The following NELL1 variants were observed in gnomAD, a reference collection of about 807,000 sequenced individuals.
NELL1 encodes neural EGFL like 1.
Under a neutral mutation model 107.4 loss-of-function variants are expected in NELL1, and 76 were observed. That is an observed-to-expected ratio of 0.71 (90% CI 0.59 to 0.86). NELL1 has a LOEUF of 0.86. Among genes scored for constraint, NELL1 ranks in the 40% least tolerant of loss-of-function variants. The pLI is 0.00. For missense variants in NELL1, 1,024 were observed against 1,005.5 expected (o/e 1.02, Z -0.25); for synonymous variants, 353 against 341.2 (o/e 1.03, Z -0.38).
intron 15 of NELL1, among the ~76,000 whole-genome samples, chr11:21,471,237 T>C (rs201259495): frequency 1.3e-5 from 2 of 151,834 alleles, no homozygotes; most frequent in South Asian, 2.1e-4. Flanking sequence ...TCTTTCTCTA[T>C]TTGGAAAAAA....
intron 2 of NELL1, among the ~76,000 whole-genome samples, chr11:20,755,466 T>G (rs1856238763): frequency 6.6e-6 from 1 of 151,556 alleles, no homozygotes; most frequent in South Asian, 2.1e-4. Context: ...TTCCAAGGGG[T>G]CTAACACCTC....
chr11:21,105,568 T>G (rs151207436), intron 12 of NELL1, among the ~76,000 whole-genome samples: 1,843 of 152,240 alleles, frequency 0.012, 42 homozygotes, highest in African/African-American at 0.041. Context: ...GATAGCCTTT[T>G]CCTATTGGCA....
intron 12 of NELL1, among the ~76,000 whole-genome samples, chr11:21,052,598 A>G (rs889537633): frequency 3.3e-5 from 5 of 152,276 alleles, no homozygotes; most frequent in Middle Eastern, 3.4e-3. Flanking sequence ...GTGAGGAAGG[A>G]AATCTCCAGC....
intron 15 of NELL1, among the ~76,000 whole-genome samples, chr11:21,525,842 A>G (rs1051764601): frequency 6.6e-6 from 1 of 152,178 alleles, no homozygotes; most frequent in Non-Finnish European, 1.5e-5. Context: ...AACTGACTCC[A>G]TGATTATTTT....
chr11:21,116,354 C>A (rs957008892), intron 13 of NELL1, among the ~76,000 whole-genome samples: 1 of 151,950 alleles, frequency 6.6e-6, no homozygotes, highest in African/African-American at 2.4e-5. Flanking sequence ...TCCCCTTCCC[C>A]TGTTTACCTA....
intron 14 of NELL1, among the ~76,000 whole-genome samples, chr11:21,262,851 C>T (rs1353108320): frequency 6.6e-6 from 1 of 151,828 alleles, no homozygotes; most frequent in Non-Finnish European, 1.5e-5. Flanking sequence ...ACTCTTACTC[C>T]TTTTTCCTTG....
At chr11:21,317,196 G>A (rs185729617) in intron 14 of NELL1, among the ~76,000 whole-genome samples, 10 of 151,930 alleles carry the variant, frequency 6.6e-5, no homozygotes, top group Non-Finnish European at 1.3e-4. Context: ...AAAACTCTTC[G>A]TAAACATAAT....
chr11:21,348,330 C>A (rs1044615910), intron 14 of NELL1, among the ~76,000 whole-genome samples: 8 of 152,086 alleles, frequency 5.3e-5, no homozygotes, highest in African/African-American at 1.9e-4. Context: ...AGTCACTGAA[C>A]ATGTGGTATT....
intron 15 of NELL1, among the ~76,000 whole-genome samples, chr11:21,404,965 T>C (rs1590905625): frequency 1.3e-5 from 2 of 152,060 alleles, no homozygotes; most frequent in Admixed American, 6.6e-5. Context: ...TTCTAGGTCC[T>C]CCACTCCCAC....
intron 12 of NELL1, among the ~76,000 whole-genome samples, chr11:21,074,237 G>T (rs1353831063): frequency 6.6e-6 from 1 of 152,132 alleles, no homozygotes; most frequent in African/African-American, 2.4e-5. Context: ...ATCAGATTCT[G>T]CATATTAACG....
chr11:20,901,294 C>T (rs4255533), intron 5 of NELL1, among the ~76,000 whole-genome samples: 94,182 of 151,946 alleles, frequency 0.62, 31,660 homozygotes, highest in Non-Finnish European at 0.77. Context: ...AAAAGCAGCA[C>T]AGTGGCAGCT....
chr11:21,217,477 A>T (rs1024512481), intron 13 of NELL1, among the ~76,000 whole-genome samples: 22 of 152,128 alleles, frequency 1.4e-4, no homozygotes, highest in African/African-American at 5.1e-4. Context: ...TAAGTAAAAA[A>T]TTACCTACAC....
intron 2 of NELL1, among the ~76,000 whole-genome samples, chr11:20,768,064 C>G (rs951581100): frequency 2.6e-5 from 4 of 152,120 alleles, no homozygotes; most frequent in African/African-American, 9.7e-5. Context: ...AGGAGCCAGC[C>G]ATGCAAAGAT....
At chr11:21,168,218 G>A (rs570858910) in intron 13 of NELL1, among the ~76,000 whole-genome samples, 1 of 151,824 alleles carries the variant, frequency 6.6e-6, no homozygotes, top group Non-Finnish European at 1.5e-5. Flanking sequence ...TGATAAATGG[G>A]CATCCAATTT....
chr11:20,990,510 T>G (rs1463040121), intron 12 of NELL1, among the ~76,000 whole-genome samples: 1 of 152,232 alleles, frequency 6.6e-6, no homozygotes, highest in Non-Finnish European at 1.5e-5. Flanking sequence ...TTGTCATTTT[T>G]CTGCCATTTT....
At chr11:21,430,975 C>A (rs1047599118) in intron 15 of NELL1, among the ~76,000 whole-genome samples, 20 of 151,980 alleles carry the variant, frequency 1.3e-4, no homozygotes, top group African/African-American at 4.6e-4. Context: ...TTAAAACAAG[C>A]AAATGATTAG....
intron 4 of NELL1, among the ~76,000 whole-genome samples, chr11:20,875,588 A>T (rs955883720): frequency 3.3e-5 from 5 of 149,586 alleles, no homozygotes; most frequent in South Asian, 4.2e-4. Flanking sequence ...CAAAAATTTT[A>T]AAAAATTAAA....
At chr11:21,560,120 A>C (rs1856813714) in intron 16 of NELL1, 69 bp from the exon 17 acceptor site, 1 of 1,448,232 alleles carries the variant, frequency 6.9e-7, no homozygotes, top group African/African-American at 1.4e-5. Flanking sequence ...ATGCTACTGC[A>C]AATGATGGTT....
chr11:21,284,814 T>C, intron 14 of NELL1: 1 of 331,448 alleles, frequency 3.0e-6, no homozygotes, highest in East Asian at 7.6e-5. Context: ...ACTCCACTCC[T>C]ATGCCACCCA....
Sources: gnomAD v4.1 joint callset for allele counts (sites outside exome capture counted in the v4.1 genomes callset) on GRCh38, gnomAD v4.1.1 for gene constraint, MANE v1.5 for transcripts, NCBI Gene and HGNC (gene_info 2026-07-23, HGNC 2026-07-21) for gene names.